RPS6KA2: variants seen among roughly 807,000 people sequenced by gnomAD.
RPS6KA2 encodes ribosomal protein S6 kinase alpha-2.
A neutral mutation model predicts 91.8 loss-of-function variants in RPS6KA2; 42 were observed. That is an observed-to-expected ratio of 0.46 (90% CI 0.36 to 0.59). The LOEUF is 0.59. Among genes scored for constraint, RPS6KA2 ranks in the 20% least tolerant of loss-of-function variants. RPS6KA2 has a pLI of 0.00. For synonymous variants in RPS6KA2, 414 were observed against 393.6 expected, an observed-to-expected ratio of 1.05 and a Z score of -0.61; for missense variants, 798 against 978.5, an observed-to-expected ratio of 0.82 and a Z score of 2.46.
rs1403011868 is a variant in RPS6KA2 at position 166,852,615 on chromosome 6, C to T, written c.123+5585G>A. ...TTCTGCCTGTTGCCACGAGTCTCTT[C>T]CTGACCCTTTTCCTCACCAGGGGAC... is the stretch of plus-strand genomic sequence containing the variant. On this transcript the variant is annotated intron_variant, in intron 2 of 21. Coordinates refer to the RPS6KA2 transcript ENST00000503859. This position sits in a 1 kb window ranked among gnomAD's most constrained non-coding sequence, Gnocchi z 4.1. Among the ~76,000 whole-genome samples, 1 of 152,100 alleles carries T rather than the reference C, an allele frequency of 6.6e-6. No individual in the cohort carries two copies. Among genetic ancestry groups the T allele is most frequent in the African/African-American group, 2.4e-5 (1 of 41,420 alleles).
intron 2 of RPS6KA2, among the ~76,000 whole-genome samples, chr6:166,747,171 G>C (rs1176428788): frequency 6.6e-6 from 1 of 152,132 alleles, no homozygotes; most frequent in Non-Finnish European, 1.5e-5. Flanking sequence ...GTTGGGGGTG[G>C]GGATGAAAGT....
intron 2 of RPS6KA2, among the ~76,000 whole-genome samples, chr6:166,855,438 G>GAC (rs1562473192): frequency 3.3e-5 from 3 of 89,686 alleles, no homozygotes; most frequent in African/African-American, 1.4e-4. Flanking sequence ...AGGAAGAAGA[G>GAC]GAAGAAGAAG....
chr6:166,811,269 C>T (rs530294568), intron 2 of RPS6KA2, among the ~76,000 whole-genome samples: 27 of 152,300 alleles, frequency 1.8e-4, no homozygotes, highest in Non-Finnish European at 3.1e-4. Flanking sequence ...CTGGACTGAC[C>T]GCCAACAGCC....
At chr6:166,461,068 C>G (rs1294319353) in intron 11 of RPS6KA2, among the ~76,000 whole-genome samples, 4 of 152,066 alleles carry the variant, frequency 2.6e-5, no homozygotes, top group African/African-American at 9.7e-5. Flanking sequence ...GAGGTGCCAA[C>G]AGACGCCCCC....
At chr6:166,828,981 C>A (rs1780112800) in intron 2 of RPS6KA2, among the ~76,000 whole-genome samples, 1 of 152,070 alleles carries the variant, frequency 6.6e-6, no homozygotes, top group Non-Finnish European at 1.5e-5. Context: ...ACTTAATAAC[C>A]TCAATAACAA....
At chr6:166,532,573 C>T (rs1399662074) in intron 2 of RPS6KA2, among the ~76,000 whole-genome samples, 2 of 152,232 alleles carry the variant, frequency 1.3e-5, no homozygotes, top group Non-Finnish European at 2.9e-5. Context: ...GTCCCGATCA[C>T]TGTCATTATT....
At chr6:166,851,262 T>G (rs1263399985) in intron 2 of RPS6KA2, among the ~76,000 whole-genome samples, 1 of 152,204 alleles carries the variant, frequency 6.6e-6, no homozygotes, top group African/African-American at 2.4e-5. Context: ...GGCTCAGACC[T>G]GGGAGGCCTT....
rs147553074 is a variant in RPS6KA2 at position 166,482,584 on chromosome 6, C to T, written c.907+6249G>A. Among the ~76,000 whole-genome samples, 957 of 152,308 alleles carry T rather than the reference C, an allele frequency of 6.3e-3. 13 individuals carry two copies. Among genetic ancestry groups the T allele is most frequent in the African/African-American group, 0.022 (913 of 41,568 alleles). ...CAATGACAGGGAGCCACTCAGTTAA[C>T]GCCTAGAGGCCTTGCTTATTCTGGC... is the stretch of plus-strand genomic sequence containing the variant. On this transcript the variant is annotated intron_variant, in intron 10 of 20. Coordinates refer to ENST00000265678, the MANE Select transcript of RPS6KA2 (RefSeq NM_021135.6).
In RPS6KA2 at chr6:166,660,402, G is replaced by GCA. The variant is rs1276673175; in HGVS notation, c.124-121619_124-121618insTG. On this transcript the variant is annotated intron_variant, in intron 2 of 21. Coordinates refer to the RPS6KA2 transcript ENST00000503859. ...CATGTGTATGGGCATGCGTGCGTGT[G>GCA]TGTGTGTGTGTGTGTGTGTGAGAGA... 2.8e-3 allele frequency among the ~76,000 whole-genome samples: 419 copies of GCA among 150,296 alleles called. 2 individuals carry two copies. Among genetic ancestry groups the GCA allele is most frequent in the African/African-American group, 9.9e-3 (406 of 40,858 alleles).
chr6:166,705,262 T>C (rs1309089653), intron 2 of RPS6KA2, among the ~76,000 whole-genome samples: 1 of 152,180 alleles, frequency 6.6e-6, no homozygotes, highest in Non-Finnish European at 1.5e-5. Context: ...CCATACCCAA[T>C]CTATCATCAT....
At chr6:166,838,119 A>C (rs1583168505) in intron 2 of RPS6KA2, among the ~76,000 whole-genome samples, 1 of 152,222 alleles carries the variant, frequency 6.6e-6, no homozygotes, top group Non-Finnish European at 1.5e-5. Context: ...TGGGCTGAGG[A>C]CCTCAGGCTT....
chr6:166,843,424 C>T (rs1266493042), intron 2 of RPS6KA2, among the ~76,000 whole-genome samples: 1 of 152,216 alleles, frequency 6.6e-6, no homozygotes, highest in Non-Finnish European at 1.5e-5. Context: ...TCAGCTGATG[C>T]ACTCCTGAAA....
intron 1 of RPS6KA2, among the ~76,000 whole-genome samples, chr6:166,585,424 T>C (rs993041271): frequency 2.6e-5 from 4 of 152,048 alleles, no homozygotes; most frequent in Non-Finnish European, 5.9e-5. Context: ...CACATTTACT[T>C]ATAATTGTGT....
chr6:166,771,987 C>T (rs545318559), intron 2 of RPS6KA2, among the ~76,000 whole-genome samples: 5 of 152,278 alleles, frequency 3.3e-5, no homozygotes, highest in South Asian at 4.1e-4. Context: ...GATGAGCGGC[C>T]GGTTTATCGA....
chr6:166,638,109 G>C (rs1426898301), intron 2 of RPS6KA2, among the ~76,000 whole-genome samples: 1 of 152,272 alleles, frequency 6.6e-6, no homozygotes, highest in African/African-American at 2.4e-5. Flanking sequence ...AAGTGGTCTT[G>C]AGTTGTTGTT....
chr6:166,843,608 G>C (rs9348193), intron 2 of RPS6KA2, among the ~76,000 whole-genome samples: 1 of 151,902 alleles, frequency 6.6e-6, no homozygotes, highest in Admixed American at 6.5e-5. Context: ...CTTTGCAGAC[G>C]TTCCTCAGTA....
chr6:166,696,056 T>A (rs1034577336), intron 2 of RPS6KA2, among the ~76,000 whole-genome samples: 2 of 152,184 alleles, frequency 1.3e-5, no homozygotes, highest in East Asian at 3.8e-4. Context: ...CTCCCCCCTC[T>A]TCCACGGAAA....
At chr6:166,576,302 C>A (rs1018674136) in intron 1 of RPS6KA2, among the ~76,000 whole-genome samples, 2 of 152,072 alleles carry the variant, frequency 1.3e-5, no homozygotes, top group Non-Finnish European at 2.9e-5. Context: ...AAAACATACA[C>A]GAAAATGTGG....
chr6:166,814,515 T>C (rs1318380512), intron 2 of RPS6KA2, among the ~76,000 whole-genome samples: 1 of 152,218 alleles, frequency 6.6e-6, no homozygotes, highest in African/African-American at 2.4e-5. Context: ...GAGTGGCCAG[T>C]GAGCAAAGCT....
Sources: allele counts gnomAD v4.1 joint callset (sites outside exome capture counted in the v4.1 genomes callset), GRCh38; gene constraint gnomAD v4.1.1; non-coding constraint Gnocchi (gnomAD v3.1); transcripts MANE v1.5; gene names NCBI Gene and HGNC (gene_info 2026-07-23, HGNC 2026-07-21).